ARID3B: variants seen among roughly 807,000 people sequenced by gnomAD.
ARID3B encodes AT-rich interaction domain 3B, also known as AT-rich interactive domain-containing protein 3B.
Under a neutral mutation model 51.9 loss-of-function variants are expected in ARID3B, and 10 were observed. The observed-to-expected ratio is 0.19, with a 90% CI of 0.12 to 0.33. ARID3B has a LOEUF of 0.33. Ranked by LOEUF, ARID3B falls within the 10% of genes least tolerant of loss-of-function variation. The pLI, the probability that ARID3B is intolerant of heterozygous loss-of-function variation, is 1.00. For missense variants in ARID3B, 483 were observed against 716.3 expected, an observed-to-expected ratio of 0.67 and a Z score of 3.72; for synonymous variants, 205 against 279.5, an observed-to-expected ratio of 0.73 and a Z score of 2.66.
chr15:74,589,097 GGCTCACT>G (rs1331607193), intron 4 of ARID3B, among the ~76,000 whole-genome samples: 3 of 132,752 alleles, frequency 2.3e-5, no homozygotes. Context: ...GTGTGATCTC[GGCTCACT>G]GCAAGCTCCG....
chr15:74,580,617 G>A (rs1229659508), intron 4 of ARID3B, among the ~76,000 whole-genome samples: 1 of 152,152 alleles, frequency 6.6e-6, no homozygotes, highest in Non-Finnish European at 1.5e-5. Context: ...GTTATCACCT[G>A]TAACCCTGAA....
At chr15:74,584,346 C>T (rs2061772527) in intron 4 of ARID3B, among the ~76,000 whole-genome samples, 1 of 152,254 alleles carries the variant, frequency 6.6e-6, no homozygotes, top group Admixed American at 6.5e-5. Context: ...CCTGCCTGCG[C>T]ACATTCCCTG....
At chr15:74,552,056 C>CTTTTTTTT (rs869096001) in intron 2 of ARID3B, among the ~76,000 whole-genome samples, 6 of 102,632 alleles carry the variant, frequency 5.8e-5, no homozygotes, top group African/African-American at 1.2e-4. Context: ...TCTTTCTTTC[C>CTTTTTTTT]TTTTTTTTTT....
intron 4 of ARID3B, among the ~76,000 whole-genome samples, chr15:74,589,432 G>T (rs534676497): frequency 6.6e-6 from 1 of 152,116 alleles, no homozygotes; most frequent in Non-Finnish European, 1.5e-5. Flanking sequence ...GGAAGCTGCC[G>T]CTGAATGGAG....
chr15:74,588,552 C>T (rs996516269), intron 4 of ARID3B, among the ~76,000 whole-genome samples: 1 of 152,154 alleles, frequency 6.6e-6, no homozygotes, highest in Non-Finnish European at 1.5e-5. Flanking sequence ...AGTTTGCCAT[C>T]AAAAGGCAAC....
chr15:74,559,386 C>A (rs1360134266), intron 2 of ARID3B, among the ~76,000 whole-genome samples: 1 of 152,200 alleles, frequency 6.6e-6, no homozygotes, highest in African/African-American at 2.4e-5. Flanking sequence ...GGTGGAGTTC[C>A]TTCACATCAG....
intron 2 of ARID3B, among the ~76,000 whole-genome samples, chr15:74,569,472 A>G (rs1269797765): frequency 6.6e-6 from 1 of 152,198 alleles, no homozygotes; most frequent in Non-Finnish European, 1.5e-5. Flanking sequence ...CTGTAGTCCC[A>G]GCTACTCAGG....
intron 2 of ARID3B, among the ~76,000 whole-genome samples, chr15:74,544,709 G>A (rs974437686): frequency 3.0e-4 from 13 of 42,944 alleles, no homozygotes; most frequent in African/African-American, 1.2e-3. Flanking sequence ...TTTTTTTTTT[G>A]ACATGGAGTC....
At chr15:74,573,099 C>T (rs10459648) in intron 3 of ARID3B, 33 bp from the exon 4 acceptor site, 284,321 of 1,610,648 alleles carry the variant, frequency 0.18, 35,852 homozygotes, top group East Asian at 0.53. Context: ...GAATTTTTCA[C>T]TGTGTGTTTT....
chr15:74,554,909 G>A (rs2061651828), intron 2 of ARID3B, among the ~76,000 whole-genome samples: 2 of 151,412 alleles, frequency 1.3e-5, no homozygotes, highest in South Asian at 4.2e-4. Flanking sequence ...TTATTCTCTG[G>A]TCTATTAAGT....
At chr15:74,586,814 C>G (rs2061783534) in intron 4 of ARID3B, among the ~76,000 whole-genome samples, 1 of 152,162 alleles carries the variant, frequency 6.6e-6, no homozygotes, top group African/African-American at 2.4e-5. Flanking sequence ...ATCGGATGGA[C>G]AGATGTGAAA....
chr15:74,554,447 C>CA (rs1192532584), intron 2 of ARID3B, among the ~76,000 whole-genome samples: 1 of 151,982 alleles, frequency 6.6e-6, no homozygotes, highest in Admixed American at 6.6e-5. Context: ...GGATTACAAG[C>CA]ATGCGCTACC....
At chr15:74,573,244 C>T (rs1321089953) in intron 4 of ARID3B, 40 bp downstream of exon 4, 1 of 1,583,184 alleles carries the variant, frequency 6.3e-7, no homozygotes, top group Admixed American at 1.7e-5. Context: ...TCAGGGAATA[C>T]TGATAGAGTG....
At position 74,597,668 on chromosome 15, in the gene ARID3B, C is replaced by G; in HGVS notation, c.*1894C>G. 1 of 524,802 alleles carries G rather than the reference C, an allele frequency of 1.9e-6. No homozygotes were observed. The highest frequency in any genetic ancestry group is 1.5e-5 in the South Asian group (1 of 64,722). 32.5% of individuals were successfully genotyped at this position (524,802 alleles called of 1,614,324 possible). A position where few individuals can be genotyped will look rare whatever the true frequency, so the allele number is the denominator to read the frequency against. ...ATTTGAAGGTGTCTCAGACATTTGG[C>G]CAGTATGTCTTTCTCAGGGGTTTGG... is the stretch of plus-strand genomic sequence containing the variant. On this transcript the variant is annotated 3_prime_UTR_variant, in exon 9 of 9. Coordinates refer to ENST00000346246, the MANE Select transcript of ARID3B (RefSeq NM_006465.4).
Position 74,593,231 on chromosome 15 carries a change from A to G in ARID3B, c.1514A>G (p.Tyr505Cys). ...NMSVDIDGTT[Y>C]AGVLFAQKPV... ...TCTGTGGACATCGATGGCACCACCT[A>G]TGCAGGTGAGGCCCTGGAGCTCTGG... The change falls in exon 8 of 9, where the codon TAT (tyrosine) becomes TGT (cysteine). Residue 505 changes from tyrosine (Y) to cysteine (C), a missense_variant. By Grantham distance (194) the Tyr-to-Cys change is radical. Transcript: ENST00000346246. 1 of 1,612,212 alleles carries G rather than the reference A, an allele frequency of 6.2e-7. No homozygotes were observed. The highest frequency in any genetic ancestry group is 8.5e-7 in the Non-Finnish European group (1 of 1,179,500).
At chr15:74,582,465 G>C (rs370730675) in intron 4 of ARID3B, among the ~76,000 whole-genome samples, 147 of 152,276 alleles carry the variant, frequency 9.7e-4, no homozygotes, top group African/African-American at 3.4e-3. Context: ...ACCGCGCCCA[G>C]CCACCATAAT....
At chr15:74,570,516 G>A (rs538068435) in intron 2 of ARID3B, among the ~76,000 whole-genome samples, 1 of 136,434 alleles carries the variant, frequency 7.3e-6, no homozygotes, top group East Asian at 2.2e-4. Flanking sequence ...ATCTCTCTTG[G>A]TGACTGATAG....
intron 4 of ARID3B, among the ~76,000 whole-genome samples, chr15:74,587,176 G>C (rs2061784730): frequency 6.6e-6 from 1 of 152,198 alleles, no homozygotes; most frequent in South Asian, 2.1e-4. Context: ...GAGTAATATG[G>C]TAAAAGTAGT....
chr15:74,542,378 A>C (rs1333299944), intron 1 of ARID3B, among the ~76,000 whole-genome samples: 1 of 152,236 alleles, frequency 6.6e-6, no homozygotes, highest in Non-Finnish European at 1.5e-5. Flanking sequence ...CTGAAGTGCC[A>C]AGAGAGGAAG....
Sources: gnomAD v4.1 joint callset for allele counts (sites outside exome capture counted in the v4.1 genomes callset) on GRCh38, gnomAD v4.1.1 for gene constraint, MANE v1.5 for transcripts, NCBI Gene and HGNC (gene_info 2026-07-23, HGNC 2026-07-21) for gene names.